Variants in KLHL1 observed in about 807,000 individuals in gnomAD.
KLHL1 encodes kelch like family member 1.
KLHL1 carries 47 observed loss-of-function variants against 77.7 expected under a neutral mutation model. That is an observed-to-expected ratio of 0.60 (90% CI 0.48 to 0.77). KLHL1 has a LOEUF of 0.77. KLHL1 is among the 30% of genes least tolerant of loss of function. The pLI is 0.00. For missense variants in KLHL1, 925 were observed against 910.8 expected (o/e 1.02, Z -0.20); for synonymous variants, 360 against 325.2 (o/e 1.11, Z -1.15).
chr13:69,957,750 C>T (rs1411790523), intron 3 of KLHL1, among the ~76,000 whole-genome samples: 2 of 151,762 alleles, frequency 1.3e-5, no homozygotes, highest in Non-Finnish European at 1.5e-5. Flanking sequence ...AACACACTCT[C>T]TTTACAAATG....
chr13:69,701,724 A>T lies in KLHL1; in HGVS notation c.2225T>A (p.Val742Glu), dbSNP rs1875405336. Residue 742 changes from valine to glutamate, a missense_variant, in exon 11 of 11, where the codon GTG (valine) becomes GAG (glutamate). Val to Glu is a moderately radical substitution (Grantham distance 121). Transcript: ENST00000377844. ...SLNIGRAGAC[V>E]VVIKQP The stretch of plus-strand genomic sequence containing the variant: ...AAGTCAAGGTTGCTTGATGACTACC[A>T]CACAGGCACCTGCTCTCCCAATATT... 6.2e-7 allele frequency: 1 copy of T among 1,609,056 alleles called. No individual in the cohort carries two copies. Among genetic ancestry groups the T allele is most frequent in the Non-Finnish European group, 8.5e-7 (1 of 1,177,084 alleles).
chr13:69,939,336 C>CAT (rs1201722261), intron 4 of KLHL1, among the ~76,000 whole-genome samples: 1 of 48,500 alleles, frequency 2.1e-5, no homozygotes, highest in Admixed American at 2.7e-4. Context: ...TATACATATA[C>CAT]ATACATATAT....
intron 1 of KLHL1, among the ~76,000 whole-genome samples, chr13:70,083,565 T>C (rs1887445130): frequency 6.6e-6 from 1 of 152,202 alleles, no homozygotes; most frequent in African/African-American, 2.4e-5. Context: ...CAAATCGTAA[T>C]ATTGTGAAGA....
intron 7 of KLHL1, among the ~76,000 whole-genome samples, chr13:69,771,645 T>A (rs1875570798): frequency 6.6e-6 from 1 of 152,196 alleles, no homozygotes; most frequent in Non-Finnish European, 1.5e-5. Flanking sequence ...GAAACAGATA[T>A]TCTTTTTTCC....
intron 6 of KLHL1, among the ~76,000 whole-genome samples, chr13:69,833,605 G>T (rs546283829): frequency 2.0e-5 from 3 of 151,750 alleles, no homozygotes; most frequent in Non-Finnish European, 4.4e-5. Context: ...CCCAATACTG[G>T]ATATCTACCT....
At chr13:69,909,391 C>T (rs1882159153) in intron 4 of KLHL1, among the ~76,000 whole-genome samples, 1 of 151,676 alleles carries the variant, frequency 6.6e-6, no homozygotes, top group Admixed American at 6.6e-5. Flanking sequence ...TATACTATTC[C>T]AAAGAATTTT....
At chr13:70,034,922 G>A (rs1566519050) in intron 1 of KLHL1, among the ~76,000 whole-genome samples, 2 of 152,038 alleles carry the variant, frequency 1.3e-5, no homozygotes, top group Admixed American at 6.6e-5. Context: ...ATAGGGTCAT[G>A]GAATTAAAAT....
intron 1 of KLHL1, among the ~76,000 whole-genome samples, chr13:69,981,184 T>A (rs533893114): frequency 6.6e-6 from 1 of 152,226 alleles, no homozygotes; most frequent in South Asian, 2.1e-4. Flanking sequence ...TACTTCCTTG[T>A]ATTTCTCTGG....
At chr13:69,719,255 T>A in intron 9 of KLHL1, 114 bp downstream of exon 9, 1 of 758,948 alleles carries the variant, frequency 1.3e-6, no homozygotes, top group Non-Finnish European at 2.3e-6. Flanking sequence ...AAAATGTATC[T>A]CTAGGTGTTG....
At chr13:69,860,363 A>G (rs1880094368) in intron 5 of KLHL1, among the ~76,000 whole-genome samples, 1 of 152,056 alleles carries the variant, frequency 6.6e-6, no homozygotes. Context: ...TCTAATGGTA[A>G]GATTCTCAGA....
At chr13:70,031,644 C>T (rs1886104550) in intron 1 of KLHL1, among the ~76,000 whole-genome samples, 1 of 152,074 alleles carries the variant, frequency 6.6e-6, no homozygotes, top group Non-Finnish European at 1.5e-5. Flanking sequence ...TAACAGGATC[C>T]TGAGCAGGAT....
intron 1 of KLHL1, among the ~76,000 whole-genome samples, chr13:69,999,787 C>A (rs1205876692): frequency 6.6e-6 from 1 of 151,938 alleles, no homozygotes; most frequent in Non-Finnish European, 1.5e-5. Flanking sequence ...TGTCAGAGGA[C>A]AAGATGTATA....
chr13:69,981,227 A>AG (rs57030417), intron 1 of KLHL1, among the ~76,000 whole-genome samples: 23,021 of 151,992 alleles, frequency 0.15, 3,684 homozygotes, highest in African/African-American at 0.41. Context: ...ACAATACTAA[A>AG]ATTACACTAA....
In KLHL1 at chr13:69,928,933, A is replaced by G. The variant is rs545479287; in HGVS notation, c.1014+11107T>C. Among the ~76,000 whole-genome samples the G allele has an allele frequency of 1.5e-4, 23 of 152,246 alleles. No individual in the cohort carries two copies. In the South Asian group the frequency reaches 2.7e-3, roughly 18 times the overall value. ...ATAAGTCATATCTCCACGATGTATT[A>G]TAAAAGATATAAATTTGAAAGTAGA... On this transcript the variant is annotated intron_variant, in intron 4 of 10. Transcript: ENST00000377844.
chr13:69,894,275 C>T (rs78858421), intron 4 of KLHL1: 1,677 of 155,612 alleles, frequency 0.011, 11 homozygotes, highest in Middle Eastern at 0.046. Flanking sequence ...CATTGGCCAG[C>T]GTAATCCTGC....
chr13:69,749,280 T>C (rs1461138533), intron 7 of KLHL1, among the ~76,000 whole-genome samples: 1 of 152,004 alleles, frequency 6.6e-6, no homozygotes, highest in Non-Finnish European at 1.5e-5. Context: ...TTATGTTCAG[T>C]ATCAATATTA....
At chr13:69,768,785 T>G (rs2325232) in intron 7 of KLHL1, among the ~76,000 whole-genome samples, 55,321 of 151,922 alleles carry the variant, frequency 0.36, 10,293 homozygotes, top group African/African-American at 0.43. Flanking sequence ...GATTTTTTGA[T>G]TTTATTCTAG....
intron 10 of KLHL1, 37 bp downstream of exon 10, chr13:69,707,588 T>G (rs756939332): frequency 6.4e-7 from 1 of 1,571,844 alleles, no homozygotes. Context: ...AAATAAATTC[T>G]TATCCTTGAA....
At chr13:69,734,874 T>C (rs1411749043) in intron 8 of KLHL1, among the ~76,000 whole-genome samples, 1 of 152,124 alleles carries the variant, frequency 6.6e-6, no homozygotes, top group Non-Finnish European at 1.5e-5. Context: ...AATACACTTC[T>C]CATGATTAAA....
Sources: gnomAD v4.1 joint callset for allele counts (sites outside exome capture counted in the v4.1 genomes callset) on GRCh38, gnomAD v4.1.1 for gene constraint, MANE v1.5 for transcripts, NCBI Gene and HGNC (gene_info 2026-07-23, HGNC 2026-07-21) for gene names.